CADPS: variants seen among roughly 807,000 people sequenced by gnomAD.
CADPS encodes calcium dependent secretion activator.
A neutral mutation model predicts 167.3 loss-of-function variants in CADPS; 57 were observed. That is an observed-to-expected ratio of 0.34 (90% CI 0.28 to 0.42). The LOEUF (loss-of-function observed/expected upper bound fraction) is 0.42. Among genes scored for constraint, CADPS ranks in the 20% least tolerant of loss-of-function variants. The pLI is 1.00. For synonymous variants in CADPS, 676 were observed against 635.3 expected, an observed-to-expected ratio of 1.06 and a Z score of -0.96; for missense variants, 1,414 against 1,738.1, an observed-to-expected ratio of 0.81 and a Z score of 3.32.
intron 1 of CADPS, among the ~76,000 whole-genome samples, chr3:62,838,629 T>C (rs2076227213): frequency 6.6e-6 from 1 of 152,212 alleles, no homozygotes; most frequent in African/African-American, 2.4e-5. Context: ...AACTGTGTAA[T>C]TGTTAGTTTG....
intron 3 of CADPS, among the ~76,000 whole-genome samples, chr3:62,685,005 A>G (rs1314579377): frequency 6.7e-6 from 1 of 148,778 alleles, no homozygotes; most frequent in Non-Finnish European, 1.5e-5. Context: ...TCTGTCCCTG[A>G]ACTTATAGCT....
At chr3:62,530,502 A>T (rs186667906) in intron 13 of CADPS, among the ~76,000 whole-genome samples, 1 of 151,862 alleles carries the variant, frequency 6.6e-6, no homozygotes, top group Non-Finnish European at 1.5e-5. Flanking sequence ...CATTGCTAGA[A>T]TTTTTTTTTA....
At chr3:62,810,711 G>A (rs1392321695) in intron 1 of CADPS, among the ~76,000 whole-genome samples, 2 of 152,178 alleles carry the variant, frequency 1.3e-5, no homozygotes, top group African/African-American at 4.8e-5. Context: ...TAAAACCATA[G>A]CTTCACTCTT....
At chr3:62,641,818 T>C (rs2067476787) in intron 6 of CADPS, among the ~76,000 whole-genome samples, 1 of 152,028 alleles carries the variant, frequency 6.6e-6, no homozygotes, top group African/African-American at 2.4e-5. Flanking sequence ...GAAGGATAAG[T>C]ATGGGCCACA....
rs549177467 is a variant in CADPS, at chr3:62,589,580, G to A, written c.1437+3057C>T. On this transcript the variant is annotated intron_variant, in intron 7 of 29. Coordinates refer to ENST00000383710, the MANE Select transcript of CADPS (RefSeq NM_003716.4). Reference sequence around the variant, plus strand: ...CCTGAAGTAACTGAACCCTCTGGGCGTCAGCATGCTCTTCTGTACAAGAGA... The same window carrying A: ...CCTGAAGTAACTGAACCCTCTGGGCATCAGCATGCTCTTCTGTACAAGAGA... 1.8e-4 allele frequency among the ~76,000 whole-genome samples: 27 copies of A among 152,310 alleles called. 1 individual carries two copies. In the South Asian group the frequency reaches 3.7e-3, roughly 21 times the overall value.
At chr3:62,582,462 T>C (rs1171867331) in intron 8 of CADPS, among the ~76,000 whole-genome samples, 1 of 152,188 alleles carries the variant, frequency 6.6e-6, no homozygotes, top group African/African-American at 2.4e-5. Flanking sequence ...ATTTTTCTTT[T>C]CCTTTTTTTC....
intron 20 of CADPS, among the ~76,000 whole-genome samples, 195 bp downstream of exon 20, chr3:62,492,095 C>T (rs987663266): frequency 6.6e-6 from 1 of 152,110 alleles, no homozygotes; most frequent in Admixed American, 6.6e-5. Context: ...GAGAGAGCGT[C>T]CCTAGAACAG....
chr3:62,578,602 TC>T (rs1463330663), intron 8 of CADPS, among the ~76,000 whole-genome samples: 1 of 92,636 alleles, frequency 1.1e-5, no homozygotes, highest in East Asian at 3.2e-4. Context: ...AGAGCAAGAC[TC>T]CGTCTCAAAA....
At chr3:62,531,107 A>G (rs1322866930) in intron 13 of CADPS, among the ~76,000 whole-genome samples, 2 of 152,226 alleles carry the variant, frequency 1.3e-5, no homozygotes, top group Non-Finnish European at 2.9e-5. Flanking sequence ...GTGTATCATA[A>G]TTCATGATGA....
intron 26 of CADPS, among the ~76,000 whole-genome samples, chr3:62,456,779 A>C (rs1576319700): frequency 6.7e-6 from 1 of 148,910 alleles, no homozygotes; most frequent in South Asian, 2.2e-4. Context: ...AAAAAAAAAA[A>C]CCCAATATAA....
chr3:62,618,388 A>G (rs1482758687), intron 6 of CADPS, among the ~76,000 whole-genome samples: 1 of 152,150 alleles, frequency 6.6e-6, no homozygotes, highest in Non-Finnish European at 1.5e-5. Flanking sequence ...GGGGTTCTGC[A>G]CCTGTTGGGT....
At chr3:62,401,716 C>G (rs1706237449) in intron 29 of CADPS, among the ~76,000 whole-genome samples, 1 of 147,100 alleles carries the variant, frequency 6.8e-6, no homozygotes, top group South Asian at 2.2e-4. Context: ...TATCCCTTCT[C>G]TGTGGCTCAT....
intron 3 of CADPS, among the ~76,000 whole-genome samples, chr3:62,687,407 T>C (rs1400180970): frequency 6.6e-6 from 1 of 152,064 alleles, no homozygotes; most frequent in Non-Finnish European, 1.5e-5. Context: ...GTAGAAATAA[T>C]TTCTATCAAC....
intron 5 of CADPS, 28 bp from the exon 6 acceptor site, chr3:62,645,871 G>T (rs765854981): frequency 1.9e-6 from 3 of 1,613,554 alleles, no homozygotes; most frequent in African/African-American, 1.3e-5. Flanking sequence ...CATAATGGAG[G>T]TTATTGGCAA....
chr3:62,646,161 CTT>C (rs35748758), intron 5 of CADPS, among the ~76,000 whole-genome samples: 20 of 129,050 alleles, frequency 1.5e-4, no homozygotes, highest in East Asian at 2.2e-4. Flanking sequence ...GGAATTGGCT[CTT>C]TTTTTTTTTT....
At chr3:62,769,501 G>C (rs1237084968) in intron 1 of CADPS, among the ~76,000 whole-genome samples, 1 of 152,100 alleles carries the variant, frequency 6.6e-6, no homozygotes, top group Non-Finnish European at 1.5e-5. Context: ...CAAAGTGCTG[G>C]AATTACAGGC....
chr3:62,497,096 G>A (rs188820996), intron 18 of CADPS, among the ~76,000 whole-genome samples: 172 of 152,282 alleles, frequency 1.1e-3, no homozygotes, highest in African/African-American at 4.0e-3. Flanking sequence ...TATTAGGGCA[G>A]TTTAGGATAA....
intron 13 of CADPS, among the ~76,000 whole-genome samples, chr3:62,521,218 T>C (rs1277706853): frequency 6.6e-6 from 1 of 152,070 alleles, no homozygotes; most frequent in Non-Finnish European, 1.5e-5. Context: ...GCCACTGTTC[T>C]AGAGAAAAAA....
intron 11 of CADPS, among the ~76,000 whole-genome samples, chr3:62,539,837 T>G (rs1299220951): frequency 1.3e-5 from 2 of 152,160 alleles, no homozygotes; most frequent in Non-Finnish European, 2.9e-5. Context: ...TAGCAAGTGG[T>G]TAAGTGGCTG....
Sources: gnomAD v4.1 joint callset for allele counts (sites outside exome capture counted in the v4.1 genomes callset) on GRCh38, gnomAD v4.1.1 for gene constraint, MANE v1.5 for transcripts, NCBI Gene and HGNC (gene_info 2026-07-23, HGNC 2026-07-21) for gene names.